CCDC85A: variants seen among roughly 807,000 people sequenced by gnomAD.
CCDC85A encodes the protein coiled-coil domain-containing protein 85A.
A neutral mutation model predicts 50.2 loss-of-function variants in CCDC85A; 38 were observed. That is an observed-to-expected ratio of 0.76 (90% CI 0.58 to 0.99). The LOEUF is 0.99. Among genes scored for constraint, CCDC85A ranks in the 50% least tolerant of loss-of-function variants. CCDC85A has a pLI of 0.00. For missense variants in CCDC85A, 820 were observed against 742.0 expected (o/e 1.11, Z -1.22); for synonymous variants, 366 against 301.4 (o/e 1.21, Z -2.22).
intron 2 of CCDC85A, among the ~76,000 whole-genome samples, chr2:56,235,727 T>A (rs4672100): frequency 0.6 from 91,634 of 152,138 alleles, 28,042 homozygotes; most frequent in South Asian, 0.71. Context: ...ATGGTACAAA[T>A]GAGATCTTAA....
At chr2:56,381,691 T>C (rs1439030723) in intron 5 of CCDC85A, among the ~76,000 whole-genome samples, 1 of 152,104 alleles carries the variant, frequency 6.6e-6, no homozygotes, top group African/African-American at 2.4e-5. Context: ...GAGGGGGCCA[T>C]CTCCATGGTT....
chr2:56,338,060 G>T (rs944400484), intron 2 of CCDC85A, among the ~76,000 whole-genome samples: 1 of 152,154 alleles, frequency 6.6e-6, no homozygotes, highest in African/African-American at 2.4e-5. Flanking sequence ...TGGGATTACA[G>T]GCTTGAGCCA....
At chr2:56,244,491 T>G (rs1201318520) in intron 2 of CCDC85A, among the ~76,000 whole-genome samples, 1 of 151,786 alleles carries the variant, frequency 6.6e-6, no homozygotes, top group Non-Finnish European at 1.5e-5. Context: ...CCAGCGTAGG[T>G]ACAGAAGTGC....
chr2:56,358,791 C>CT (rs34321150), intron 3 of CCDC85A, among the ~76,000 whole-genome samples: 73,196 of 147,966 alleles, frequency 0.49, 18,917 homozygotes, highest in East Asian at 0.78. Flanking sequence ...TTTTTTCTTT[C>CT]TTTTTTTTTT....
intron 2 of CCDC85A, among the ~76,000 whole-genome samples, chr2:56,326,197 C>G (rs192738761): frequency 1.6e-4 from 25 of 152,152 alleles, no homozygotes; most frequent in Admixed American, 5.9e-4. Flanking sequence ...GAAATTGCAG[C>G]CTACGTGACT....
rs953586479 is a variant in CCDC85A, at chr2:56,384,289, T to G, written c.1596T>G (p.Asp532Glu). 1 of 1,611,072 alleles carries G rather than the reference T, an allele frequency of 6.2e-7. No homozygotes were observed. The highest frequency in any genetic ancestry group is 8.5e-7 in the Non-Finnish European group (1 of 1,178,110). Reference protein sequence around the residue: ...SLKVVWRKLGDAAGSCPGIRQ... With the variant: ...SLKVVWRKLGEAAGSCPGIRQ... Reference sequence around the variant, plus strand: ...AGGTTGTGTGGAGGAAACTTGGAGATGCTGCAGGTTCGTGTCCTGGAATTA... The same window carrying G: ...AGGTTGTGTGGAGGAAACTTGGAGAGGCTGCAGGTTCGTGTCCTGGAATTA... The change falls in exon 6 of 6, where the codon GAT becomes GAG. Residue 532 changes from aspartate (D) to glutamate (E), a missense_variant. By Grantham distance (45) the Asp-to-Glu change is conservative. Transcript: ENST00000407595.
chr2:56,383,033 A>G (rs1315894062), intron 5 of CCDC85A, among the ~76,000 whole-genome samples: 2 of 151,978 alleles, frequency 1.3e-5, no homozygotes, highest in Non-Finnish European at 2.9e-5. Flanking sequence ...GCTATATATT[A>G]ATAATTCCTT....
chr2:56,266,583 C>CCA (rs1553402000), intron 2 of CCDC85A, among the ~76,000 whole-genome samples: 2 of 130,008 alleles, frequency 1.5e-5, no homozygotes, highest in Non-Finnish European at 3.4e-5. Flanking sequence ...AACGCGCCCC[C>CCA]CCCCCCCATA....
At chr2:56,379,521 G>T (rs1676487440) in intron 5 of CCDC85A, among the ~76,000 whole-genome samples, 1 of 152,138 alleles carries the variant, frequency 6.6e-6, no homozygotes, top group Non-Finnish European at 1.5e-5. Flanking sequence ...GATTATTAGT[G>T]ATGCAATGGA....
At chr2:56,190,833 C>T (rs1471195181) in intron 1 of CCDC85A, among the ~76,000 whole-genome samples, 1 of 152,140 alleles carries the variant, frequency 6.6e-6, no homozygotes, top group East Asian at 1.9e-4. Context: ...TCCCTTCTTT[C>T]CTCCCCTACC....
chr2:56,221,986 G>T (rs1668347258), intron 2 of CCDC85A, among the ~76,000 whole-genome samples: 1 of 151,974 alleles, frequency 6.6e-6, no homozygotes. Context: ...AGGAAATTGG[G>T]CCAAACTGCC....
chr2:56,269,159 G>A (rs1034737948), intron 2 of CCDC85A, among the ~76,000 whole-genome samples: 1 of 152,112 alleles, frequency 6.6e-6, no homozygotes, highest in Non-Finnish European at 1.5e-5. Flanking sequence ...CAACACAAGG[G>A]TAATTGGGAC....
intron 2 of CCDC85A, among the ~76,000 whole-genome samples, chr2:56,258,222 A>C (rs17047710): frequency 0.015 from 2,226 of 152,260 alleles, 57 homozygotes; most frequent in African/African-American, 0.051. Context: ...ATGAAGAAGA[A>C]TGAAGCTGGT....
chr2:56,246,373 A>C (rs1163769941), intron 2 of CCDC85A, among the ~76,000 whole-genome samples: 1 of 152,016 alleles, frequency 6.6e-6, no homozygotes, highest in East Asian at 1.9e-4. Context: ...GCATAAAAAC[A>C]TTTTTTGGTG....
At chr2:56,362,198 C>G (rs1447806181) in intron 3 of CCDC85A, among the ~76,000 whole-genome samples, 1 of 152,062 alleles carries the variant, frequency 6.6e-6, no homozygotes, top group Non-Finnish European at 1.5e-5. Flanking sequence ...AGGATGACTT[C>G]TTGGATTTTG....
intron 4 of CCDC85A, among the ~76,000 whole-genome samples, chr2:56,373,704 T>C (rs144762766): frequency 6.6e-6 from 1 of 152,308 alleles, no homozygotes; most frequent in East Asian, 1.9e-4. Flanking sequence ...TTAGAGGAAA[T>C]ATGACTTCTA....
At chr2:56,258,700 C>A (rs1558610187) in intron 2 of CCDC85A, among the ~76,000 whole-genome samples, 1 of 152,190 alleles carries the variant, frequency 6.6e-6, no homozygotes, top group Non-Finnish European at 1.5e-5. Flanking sequence ...AAAGTAGTTA[C>A]CTCATAAAGT....
intron 2 of CCDC85A, among the ~76,000 whole-genome samples, chr2:56,317,775 C>T (rs891017336): frequency 1.3e-5 from 2 of 152,054 alleles, no homozygotes; most frequent in Non-Finnish European, 2.9e-5. Context: ...GTTCACAGAT[C>T]TGCTTGCCTG....
Position 56,321,034 on chromosome 2 carries a change from A to G in CCDC85A, c.1241-21845A>G, listed in dbSNP as rs183394184. Among the ~76,000 whole-genome samples the G allele has an allele frequency of 4.0e-3, 607 of 152,310 alleles. 4 individuals carry two copies. Among genetic ancestry groups the G allele is most frequent in the African/African-American group, 0.013 (540 of 41,570 alleles). ...CCATCATATAAACAGAACCAAAGAC[A>G]AAAACCACATGATTATCTCAACAGA... is the stretch of plus-strand genomic sequence containing the variant. On this transcript the variant is annotated intron_variant, in intron 2 of 5. Coordinates refer to ENST00000407595, the MANE Select transcript of CCDC85A (RefSeq NM_001080433.2).
Sources: allele counts gnomAD v4.1 joint callset (sites outside exome capture counted in the v4.1 genomes callset), GRCh38; gene constraint gnomAD v4.1.1; transcripts MANE v1.5; gene names NCBI Gene and HGNC (gene_info 2026-07-23, HGNC 2026-07-21).